Variants in GLCCI1 observed in about 807,000 individuals in gnomAD.
The protein encoded by GLCCI1 is glucocorticoid-induced transcript 1 protein.
A neutral mutation model predicts 52.2 loss-of-function variants in GLCCI1; 24 were observed. The ratio of observed to expected loss-of-function variants is 0.46; its 90% CI spans 0.33 to 0.65. GLCCI1 has a LOEUF of 0.65. GLCCI1 is among the 30% of genes least tolerant of loss of function. The probability of loss-of-function intolerance (pLI) is 0.02; values close to 1 mark genes in which losing one functional copy is unlikely to be tolerated. For missense variants in GLCCI1, 704 were observed against 701.5 expected (o/e 1.00, Z -0.04); for synonymous variants, 310 against 276.5 (o/e 1.12, Z -1.20).
intron 4 of GLCCI1, among the ~76,000 whole-genome samples, chr7:8,058,465 C>T (rs941776276): frequency 6.6e-6 from 1 of 152,080 alleles, no homozygotes; most frequent in Non-Finnish European, 1.5e-5. Flanking sequence ...AAAGACTTTT[C>T]CTACAAGATA....
intron 1 of GLCCI1, among the ~76,000 whole-genome samples, chr7:7,986,994 C>T (rs1348638694): frequency 1.3e-5 from 2 of 152,144 alleles, no homozygotes; most frequent in African/African-American, 4.8e-5. Flanking sequence ...TTGGAATTGT[C>T]ACCTCTTAAG....
intron 6 of GLCCI1, among the ~76,000 whole-genome samples, chr7:8,079,906 T>C (rs1252382002): frequency 6.6e-6 from 1 of 151,606 alleles, no homozygotes; most frequent in Non-Finnish European, 1.5e-5. Flanking sequence ...TGCTGAATGC[T>C]GATCTAAAGG....
chr7:7,997,617 A>C (rs151297789), intron 1 of GLCCI1, among the ~76,000 whole-genome samples: 5 of 152,264 alleles, frequency 3.3e-5, no homozygotes, highest in African/African-American at 7.2e-5. Flanking sequence ...CTACCTGTTA[A>C]AATAAAGGTT....
intron 2 of GLCCI1, among the ~76,000 whole-genome samples, chr7:8,004,720 AG>A (rs1187380485): frequency 6.6e-6 from 1 of 152,238 alleles, no homozygotes; most frequent in Non-Finnish European, 1.5e-5. Flanking sequence ...AAAAACCTGC[AG>A]CACAGTTAGG....
At chr7:8,031,202 C>T (rs1734754848) in intron 3 of GLCCI1, among the ~76,000 whole-genome samples, 1 of 151,948 alleles carries the variant, frequency 6.6e-6, no homozygotes, top group African/African-American at 2.4e-5. Context: ...CAGTACTATT[C>T]AGCCACGAAA....
chr7:8,039,292 T>G (rs1781943638), intron 3 of GLCCI1, among the ~76,000 whole-genome samples: 2 of 152,132 alleles, frequency 1.3e-5, no homozygotes, highest in Non-Finnish European at 2.9e-5. Context: ...ACACCTCCAC[T>G]CACATGTTTA....
At chr7:8,033,296 C>T (rs770291720) in intron 3 of GLCCI1, among the ~76,000 whole-genome samples, 22 of 151,864 alleles carry the variant, frequency 1.4e-4, no homozygotes, top group Admixed American at 1.3e-3. Flanking sequence ...CTACAGATTA[C>T]TCATATTAAA....
intron 1 of GLCCI1, among the ~76,000 whole-genome samples, chr7:7,991,001 A>G (rs573057345): frequency 4.6e-5 from 7 of 152,202 alleles, no homozygotes; most frequent in East Asian, 1.9e-4. Context: ...ATTATTTTGC[A>G]TTGAGCAAAT....
At chr7:8,029,731 T>G (rs966447127) in intron 3 of GLCCI1, among the ~76,000 whole-genome samples, 7 of 151,996 alleles carry the variant, frequency 4.6e-5, no homozygotes, top group African/African-American at 7.2e-5. Context: ...AAAGTCAACA[T>G]ACAAAAATCA....
chr7:7,969,810 A>C lies in GLCCI1; in HGVS notation c.457+3A>C. On this transcript the variant is annotated splice_donor_region_variant and intron_variant, in intron 1 of 7. Transcript: ENST00000223145. The surrounding 1 kb of genome is among the most constrained non-coding windows in gnomAD (Gnocchi z 4.9). ...CCCCGGCTCGCCCGTGTGCAGAGGT[A>C]GCGAGCCCAACCCTCCCGTCCTCCC... is the stretch of plus-strand genomic sequence containing the variant. 6.9e-7 allele frequency: 1 copy of C among 1,451,500 alleles called. No homozygotes were observed. The highest frequency in any genetic ancestry group is 9.1e-7 in the Non-Finnish European group (1 of 1,101,384). 89.9% of individuals were successfully genotyped at this position (1,451,500 alleles called of 1,614,324 possible). A position where few individuals can be genotyped will look rare whatever the true frequency, so the allele number is the denominator to read the frequency against.
intron 6 of GLCCI1, among the ~76,000 whole-genome samples, chr7:8,080,333 G>A (rs1456529599): frequency 2.0e-5 from 3 of 151,460 alleles, no homozygotes; most frequent in African/African-American, 7.4e-5. Flanking sequence ...TAAAGTGTTG[G>A]TTGAACAGTG....
intron 1 of GLCCI1, among the ~76,000 whole-genome samples, chr7:7,985,194 A>G (rs1481614215): frequency 5.3e-5 from 8 of 151,756 alleles, no homozygotes. Context: ...TTGTTTTCGT[A>G]TATACTTAAG....
At chr7:7,990,859 A>T (rs1011080479) in intron 1 of GLCCI1, among the ~76,000 whole-genome samples, 15 of 152,046 alleles carry the variant, frequency 9.9e-5, no homozygotes, top group Non-Finnish European at 1.6e-4. Context: ...GAGTCTGTTT[A>T]TTCTGGGTTT....
intron 1 of GLCCI1, among the ~76,000 whole-genome samples, chr7:7,982,754 GTTTAC>G (rs1562415861): frequency 2.0e-5 from 3 of 152,026 alleles, no homozygotes; most frequent in African/African-American, 7.2e-5. Context: ...CATAATGTTT[GTTTAC>G]TTTTGTGACT....
intron 3 of GLCCI1, among the ~76,000 whole-genome samples, chr7:8,041,670 C>T (rs964022004): frequency 2.6e-5 from 4 of 152,154 alleles, no homozygotes; most frequent in African/African-American, 7.2e-5. Flanking sequence ...TCGTAGCTCA[C>T]TGCAGCTGCA....
rs560048893 is a variant in GLCCI1, at chr7:8,042,117, A to T, written c.697-13316A>T. On this transcript the variant is annotated intron_variant, in intron 3 of 7. Transcript: ENST00000223145. ...CTTTTCAAAATATTACTGCTTATTG[A>T]CAATTTGCCTGGTCACCCAAAAGCT... 1.8e-4 allele frequency among the ~76,000 whole-genome samples: 28 copies of T among 152,308 alleles called. No homozygotes were observed. The South Asian group carries it at 5.0e-3, about 27-fold the overall frequency.
chr7:7,969,365 C>CTCA lies in GLCCI1; in HGVS notation c.17_18insATC (p.Ser13dup). The stretch of plus-strand genomic sequence containing the variant: ...GCAGAGCCACCATGTCCACTGCCTC[C>CTCA]TCCTCCTCCTCCTCCAGTTCCTCTC... On this transcript the variant is annotated inframe_insertion, in exon 1 of 8. Transcript: ENST00000223145. The surrounding 1 kb of genome is among the most constrained non-coding windows in gnomAD (Gnocchi z 4.9). 6.7e-7 allele frequency: 1 copy of CTCA among 1,487,426 alleles called. No homozygotes were observed. The highest frequency in any genetic ancestry group is 1.4e-5 in the African/African-American group (1 of 69,214). The allele number at this position is 1,487,426 out of a possible 1,614,324, so 92.1% of individuals were successfully genotyped here.
At chr7:7,978,544 C>T (rs931952615) in intron 1 of GLCCI1, among the ~76,000 whole-genome samples, 1 of 151,880 alleles carries the variant, frequency 6.6e-6, no homozygotes, top group Non-Finnish European at 1.5e-5. Flanking sequence ...TTTTCAATGT[C>T]ATTTGTGCTT....
chr7:8,048,409 C>T (rs1219313969), intron 3 of GLCCI1, among the ~76,000 whole-genome samples: 1 of 151,598 alleles, frequency 6.6e-6, no homozygotes, highest in Non-Finnish European at 1.5e-5. Context: ...GAAACTCTCA[C>T]CAATTTTTTT....
Sources: gnomAD v4.1 joint callset for allele counts (sites outside exome capture counted in the v4.1 genomes callset) on GRCh38, gnomAD v4.1.1 for gene constraint, Gnocchi (gnomAD v3.1) non-coding constraint, MANE v1.5 for transcripts, NCBI Gene and HGNC (gene_info 2026-07-23, HGNC 2026-07-21) for gene names.